PCDHA6: variants seen among roughly 807,000 people sequenced by gnomAD.
PCDHA6 encodes the protein protocadherin alpha 6, also known as protocadherin alpha-6.
A neutral mutation model predicts 60.3 loss-of-function variants in PCDHA6; 55 were observed. The observed-to-expected ratio is 0.91, with a 90% CI of 0.73 to 1.14. The LOEUF (loss-of-function observed/expected upper bound fraction) is 1.14. PCDHA6 is among the 50% of genes most tolerant of loss of function. PCDHA6 has a pLI of 0.00. For missense variants in PCDHA6, 1,327 were observed against 1,256.5 expected (o/e 1.06, Z -0.85); for synonymous variants, 652 against 557.9 (o/e 1.17, Z -2.38).
At chr5:140,866,296 A>T (rs2049269688) in intron 1 of PCDHA6, 4 of 152,164 alleles carry the variant, frequency 2.6e-5, no homozygotes, top group Admixed American at 2.6e-4. Flanking sequence ...ACAAGTATAG[A>T]TGTTGATATT....
chr5:140,869,043 A>G, intron 1 of PCDHA6: 2 of 1,530,132 alleles, frequency 1.3e-6, no homozygotes, highest in Non-Finnish European at 1.8e-6. Flanking sequence ...TTAACCTGAA[A>G]CTGAAGAATC....
intron 1 of PCDHA6, chr5:140,884,155 C>A (rs781815602): frequency 1.2e-6 from 2 of 1,613,430 alleles, no homozygotes; most frequent in Non-Finnish European, 1.7e-6. Flanking sequence ...TGTACACTGG[C>A]GAGATCAGCA....
At chr5:140,918,967 C>T (rs1461992761) in intron 1 of PCDHA6, among the ~76,000 whole-genome samples, 1 of 152,164 alleles carries the variant, frequency 6.6e-6, no homozygotes, top group Non-Finnish European at 1.5e-5. Context: ...AGACAGATAT[C>T]GTTTAGGTTA....
chr5:140,884,265 T>A, intron 1 of PCDHA6: 1 of 1,613,432 alleles, frequency 6.2e-7, no homozygotes, highest in Middle Eastern at 1.6e-4. Context: ...GCAACGGTGC[T>A]GTTGTCGCTG....
At chr5:140,867,727 A>G (rs1554161460) in intron 1 of PCDHA6, 1 of 152,094 alleles carries the variant, frequency 6.6e-6, no homozygotes. Context: ...GAAAAGACAA[A>G]GAAAATTCAA....
At chr5:140,876,968 T>C (rs782613091) in intron 1 of PCDHA6, 1 of 1,608,986 alleles carries the variant, frequency 6.2e-7, no homozygotes, top group Non-Finnish European at 8.5e-7. Context: ...GAGCGGCGGG[T>C]GGGCGAGCAC....
At chr5:140,887,431 A>C (rs2061444829) in intron 1 of PCDHA6, among the ~76,000 whole-genome samples, 1 of 152,112 alleles carries the variant, frequency 6.6e-6, no homozygotes, top group African/African-American at 2.4e-5. Context: ...AAGTATTTTC[A>C]CTGGGCATAG....
At chr5:140,836,195 C>A (rs2150255060) in intron 1 of PCDHA6, 3 of 1,613,858 alleles carry the variant, frequency 1.9e-6, no homozygotes, top group Admixed American at 1.7e-5. Context: ...CAGGCTACAA[C>A]GCGTGGCTTT....
In PCDHA6 at chr5:140,830,288, A is replaced by G; in HGVS notation, c.2197A>G (p.Thr733Ala). ...CSAPPTEGACTADKPTLVCSS... is the reference protein window; with the variant it reads ...CSAPPTEGACAADKPTLVCSS... ...GGCGCCACCCACCGAGGGCGCGTGC[A>G]CGGCGGACAAGCCCACGCTGGTGTG... The change falls in exon 1 of 4, where the codon ACG becomes GCG. Residue 733 changes from threonine (T) to alanine (A), a missense_variant. Thr to Ala is a moderately conservative substitution (Grantham distance 58). Transcript: ENST00000529310. The G allele has an allele frequency of 6.2e-7, 1 of 1,613,696 alleles. No individual in the cohort carries two copies. The highest frequency in any genetic ancestry group is 2.2e-5 in the East Asian group (1 of 44,870).
rs2150486791 is a variant in PCDHA6 at position 140,850,510 on chromosome 5, G to C, written c.2394+20025G>C. The C allele has an allele frequency of 3.8e-6, 6 of 1,598,136 alleles. No homozygotes were observed. In the African/African-American group the frequency reaches 4.0e-5, roughly 11 times the overall value. On this transcript the variant is annotated intron_variant, in intron 1 of 3. Coordinates refer to ENST00000529310, the MANE Select transcript of PCDHA6 (RefSeq NM_018909.4). ...ACTGTGCTGGTGTCGCTGGTGGAGA[G>C]CGGCCAGGCGCCAAAGTCATCGTCG...
intron 1 of PCDHA6, among the ~76,000 whole-genome samples, chr5:140,906,729 G>T (rs1444256364): frequency 1.3e-5 from 2 of 152,184 alleles, no homozygotes; most frequent in Admixed American, 1.3e-4. Flanking sequence ...TGCTGTTGTA[G>T]TTTCCCATTG....
intron 1 of PCDHA6, 57 bp downstream of exon 1, chr5:140,830,542 C>T: frequency 2.5e-6 from 3 of 1,194,226 alleles, no homozygotes; most frequent in Non-Finnish European, 3.4e-6. Flanking sequence ...TAATTGTTTT[C>T]CTCATATTTG....
Position 140,828,088 on chromosome 5 carries a change from T to A in PCDHA6, c.-4T>A, listed in dbSNP as rs2150150812. On this transcript the variant is annotated 5_prime_UTR_variant, in exon 1 of 4. Transcript: ENST00000529310. ...TAATGGAAATAAAACCAGAGGTATT[T>A]GACATGGTGTTTACCCCGGAGGATA... 1 of 1,592,494 alleles carries A rather than the reference T, an allele frequency of 6.3e-7. No individual in the cohort carries two copies. The highest frequency in any genetic ancestry group is 8.6e-7 in the Non-Finnish European group (1 of 1,168,956).
At chr5:140,848,920 T>A (rs1554142573) in intron 1 of PCDHA6, 1 of 1,607,752 alleles carries the variant, frequency 6.2e-7, no homozygotes, top group East Asian at 2.2e-5. Flanking sequence ...AATCTGTTCA[T>A]CGCGGAATCC....
chr5:140,903,192 G>A (rs2070083529), intron 1 of PCDHA6, among the ~76,000 whole-genome samples: 1 of 152,160 alleles, frequency 6.6e-6, no homozygotes, highest in South Asian at 2.1e-4. Flanking sequence ...GTATAAAAGA[G>A]TGTCCTTTTC....
chr5:140,989,728 A>T (rs1453115061), intron 3 of PCDHA6, among the ~76,000 whole-genome samples: 6 of 152,184 alleles, frequency 3.9e-5, no homozygotes, highest in Admixed American at 3.9e-4. Flanking sequence ...TTGCAGTTGA[A>T]AAGGCCATTG....
At chr5:140,832,389 C>G (rs1441016073) in intron 1 of PCDHA6, among the ~76,000 whole-genome samples, 1 of 152,132 alleles carries the variant, frequency 6.6e-6, no homozygotes, top group Non-Finnish European at 1.5e-5. Flanking sequence ...ATGGCAGAAA[C>G]TGGTAGTGGT....
intron 2 of PCDHA6, chr5:140,982,212 C>A: frequency 2.1e-6 from 1 of 479,448 alleles, no homozygotes; most frequent in Non-Finnish European, 3.3e-6. Flanking sequence ...GTGAGCGCCA[C>A]ATGGCGTTAA....
chr5:140,995,334 T>C (rs2097677447), intron 3 of PCDHA6, among the ~76,000 whole-genome samples: 1 of 152,184 alleles, frequency 6.6e-6, no homozygotes, highest in Non-Finnish European at 1.5e-5. Context: ...GTGAGTAGTG[T>C]AGACGGCATG....
Sources: gnomAD v4.1 joint callset for allele counts (sites outside exome capture counted in the v4.1 genomes callset) on GRCh38, gnomAD v4.1.1 for gene constraint, MANE v1.5 for transcripts, NCBI Gene and HGNC (gene_info 2026-07-23, HGNC 2026-07-21) for gene names.